The following DDX24 variants were observed in gnomAD, a reference collection of about 807,000 sequenced individuals.
DDX24 encodes the protein DEAD-box helicase 24.
In DDX24, 24 loss-of-function variants were observed where a neutral mutation model predicts 68.9. That is an observed-to-expected ratio of 0.35 (90% confidence interval 0.25 to 0.49). The LOEUF is 0.49. DDX24 is among the 20% of genes least tolerant of loss of function. The probability of loss-of-function intolerance (pLI) is 0.99; values close to 1 mark genes in which losing one functional copy is unlikely to be tolerated. For missense variants in DDX24, 989 were observed against 1,039.0 expected, an observed-to-expected ratio of 0.95 and a Z score of 0.66; for synonymous variants, 395 against 385.2, an observed-to-expected ratio of 1.03 and a Z score of -0.30.
In DDX24 at chr14:94,062,465, T is replaced by A; in HGVS notation, c.875A>T (p.Glu292Val). 6.2e-7 allele frequency: 1 copy of A among 1,614,188 alleles called. No homozygotes were observed. Among genetic ancestry groups the A allele is most frequent in the Admixed American group, 1.7e-5 (1 of 60,032 alleles). ...GAETRSPGKA[E>V]AESDALPDDT... ...GTCAGGCAATGCATCAGACTCAGCTTCAGCCTTGCCTGGTGATCTAGTCTC... is the reference window on the plus strand; with the variant it reads ...GTCAGGCAATGCATCAGACTCAGCTACAGCCTTGCCTGGTGATCTAGTCTC... Residue 292 changes from glutamate to valine, a missense_variant, in exon 3 of 9, where the codon GAA becomes GTA. Glu to Val is a moderately radical substitution (Grantham distance 121). Around this residue, in one of 3 missense-constraint regions of DDX24, gnomAD observed 691 missense variants for 760.0 expected, o/e 0.91. Transcript: ENST00000621632.
At chr14:94,071,210 A>G (rs1045170084) in intron 2 of DDX24, among the ~76,000 whole-genome samples, 1 of 152,230 alleles carries the variant, frequency 6.6e-6, no homozygotes, top group Non-Finnish European at 1.5e-5. Context: ...ATAAATAGAC[A>G]ATTATCAAAA....
intron 2 of DDX24, among the ~76,000 whole-genome samples, chr14:94,078,480 C>T (rs1885991342): frequency 6.6e-6 from 1 of 152,150 alleles, no homozygotes; most frequent in Non-Finnish European, 1.5e-5. Context: ...AATCTGTTTA[C>T]AAAATCCACC....
Position 94,078,364 on chromosome 14 carries a change from T to C in DDX24, c.718+661A>G, listed in dbSNP as rs547819782. On this transcript the variant is annotated intron_variant, in intron 2 of 8. Coordinates refer to ENST00000621632, the MANE Select transcript of DDX24 (RefSeq NM_020414.4). ...AATAGTTCCAGGCAGTACTAGTTCCTCCCCCAAGTCAGCAGTCTAGTCTAT... is the reference window on the plus strand; with the variant it reads ...AATAGTTCCAGGCAGTACTAGTTCCCCCCCCAAGTCAGCAGTCTAGTCTAT... Among the ~76,000 whole-genome samples, 229 of 152,226 alleles carry C rather than the reference T, an allele frequency of 1.5e-3. 5 individuals carry two copies. Among genetic ancestry groups the C allele is most frequent in the Admixed American group, 2.1e-3 (32 of 15,296 alleles).
At chr14:94,060,853 T>C in intron 4 of DDX24, 60 bp downstream of exon 4, 1 of 1,594,822 alleles carries the variant, frequency 6.3e-7, no homozygotes, top group Non-Finnish European at 8.6e-7. Flanking sequence ...CCACACCATG[T>C]CACCTAAGGC....
chr14:94,052,616 T>G (rs146269142), intron 8 of DDX24, among the ~76,000 whole-genome samples: 2 of 152,204 alleles, frequency 1.3e-5, no homozygotes, highest in Non-Finnish European at 2.9e-5. Flanking sequence ...TCCCATGAAG[T>G]AGGTAGTTGA....
In DDX24 at chr14:94,076,245, A is replaced by T. The variant is rs578090316; in HGVS notation, c.718+2780T>A. Among the ~76,000 whole-genome samples the T allele has an allele frequency of 4.6e-5, 7 of 152,350 alleles. 1 individual carries two copies. The South Asian group carries it at 1.2e-3, about 27-fold the overall frequency. ...GATGAACAAACTGCTCTACCCACAC[A>T]TTGGAATACTATTCATCACTAAAAA... On this transcript the variant is annotated intron_variant, in intron 2 of 8. Transcript: ENST00000621632.
intron 2 of DDX24, among the ~76,000 whole-genome samples, chr14:94,072,419 G>A (rs1885850186): frequency 6.6e-6 from 1 of 152,210 alleles, no homozygotes; most frequent in Non-Finnish European, 1.5e-5. Context: ...AAAAGCATAA[G>A]AATGATACAA....
intron 1 of DDX24, among the ~76,000 whole-genome samples, chr14:94,080,513 T>C (rs1224850241): frequency 6.6e-6 from 1 of 151,782 alleles, no homozygotes; most frequent in African/African-American, 2.4e-5. Context: ...GCGGTGGACG[T>C]ATTAATCTCT....
rs1885372373 is a variant in DDX24 at position 94,050,808 on chromosome 14, G to T, written c.*383C>A. 5.3e-6 allele frequency: 1 copy of T among 189,496 alleles called. No homozygotes were observed. Among genetic ancestry groups the T allele is most frequent in the African/African-American group, 2.3e-5 (1 of 42,654 alleles). The allele number at this position is 189,496 out of a possible 1,614,324, so 11.7% of individuals were successfully genotyped here. A position where few individuals can be genotyped will look rare whatever the true frequency, so the allele number is the denominator to read the frequency against. The stretch of plus-strand genomic sequence containing the variant: ...TGACACTATTCCTGTCCTTTCAAGG[G>T]CTTAGCACTGTGCTGGCCCAGGAGA... On this transcript the variant is annotated 3_prime_UTR_variant, in exon 9 of 9. Coordinates refer to ENST00000621632, the MANE Select transcript of DDX24 (RefSeq NM_020414.4).
chr14:94,071,144 CAA>C (rs2141432916), intron 2 of DDX24, among the ~76,000 whole-genome samples: 1 of 151,960 alleles, frequency 6.6e-6, no homozygotes, highest in South Asian at 2.1e-4. Flanking sequence ...GAATCTACAG[CAA>C]ACTCAAACAA....
intron 2 of DDX24, among the ~76,000 whole-genome samples, chr14:94,074,961 T>G (rs1885907707): frequency 6.6e-6 from 1 of 152,188 alleles, no homozygotes; most frequent in African/African-American, 2.4e-5. Context: ...ACATAAGATG[T>G]GAAAAATCTA....
At chr14:94,065,405 A>ACACACACACACACACACACAC (rs1567060057) in intron 2 of DDX24, among the ~76,000 whole-genome samples, 10 of 151,892 alleles carry the variant, frequency 6.6e-5, no homozygotes, top group South Asian at 2.1e-4. Flanking sequence ...ACACACACAC[A>ACACACACACACACACACACAC]AATTCAGTGC....
In DDX24 at chr14:94,055,002, C is replaced by G; in HGVS notation, c.2172G>C (p.Val724=). ...LFPVQTKYMD[V]VKERIRLARQ... ...GGTTTTAACTGCTTTCTACCTTGAC[C>G]ACATCCATGTATTTTGTCTGCACGG... Residue 724 remains valine, a synonymous_variant, in exon 7 of 9, where the codon GTG becomes GTC. Transcript: ENST00000621632. 6.2e-7 allele frequency: 1 copy of G among 1,614,000 alleles called. No individual in the cohort carries two copies. Among genetic ancestry groups the G allele is most frequent in the East Asian group, 2.2e-5 (1 of 44,884 alleles).
In DDX24 at chr14:94,079,758, G is replaced by A. The variant is rs745368599; in HGVS notation, c.-5-11C>T. On this transcript the variant is annotated splice_polypyrimidine_tract_variant and intron_variant, in intron 1 of 8. Transcript: ENST00000621632. ...TCAACTTCATGGTTGCTGAAAAGGAGATACATGTTCTATTAGGTTGGTGTC... is the reference window on the plus strand; with the variant it reads ...TCAACTTCATGGTTGCTGAAAAGGAAATACATGTTCTATTAGGTTGGTGTC... 1.9e-5 allele frequency: 30 copies of A among 1,608,784 alleles called. No individual in the cohort carries two copies. Among genetic ancestry groups the A allele is most frequent in the Non-Finnish European group, 2.4e-5 (28 of 1,177,230 alleles).
At chr14:94,051,868 C>CA (rs2141419754) in intron 8 of DDX24, 1 of 170,256 alleles carries the variant, frequency 5.9e-6, no homozygotes, top group East Asian at 1.7e-4. Flanking sequence ...GGTGAGTTCA[C>CA]AATTACAACC....
At chr14:94,062,807 G>C (rs186946962) in intron 2 of DDX24, among the ~76,000 whole-genome samples, 186 bp from the exon 3 acceptor site, 133 of 152,250 alleles carry the variant, frequency 8.7e-4, no homozygotes, top group African/African-American at 3.1e-3. Flanking sequence ...ATTAGAACCC[G>C]AGGAAAAGTA....
At chr14:94,061,120 T>C in intron 3 of DDX24, 54 bp from the exon 4 acceptor site, 2 of 1,598,488 alleles carry the variant, frequency 1.3e-6, no homozygotes, top group Non-Finnish European at 8.6e-7. Context: ...ATCATTTTCT[T>C]ACATGGCTGA....
intron 5 of DDX24, among the ~76,000 whole-genome samples, chr14:94,058,899 T>C (rs1372778317): frequency 6.6e-6 from 1 of 152,144 alleles, no homozygotes; most frequent in Admixed American, 6.5e-5. Flanking sequence ...ATATTGACAA[T>C]ACATAAATGG....
intron 3 of DDX24, 71 bp downstream of exon 3, chr14:94,062,026 C>T: frequency 6.8e-7 from 1 of 1,479,340 alleles, no homozygotes. Flanking sequence ...GGAGCCACAG[C>T]TCATTCATCT....
Sources: gnomAD v4.1 joint callset for allele counts (sites outside exome capture counted in the v4.1 genomes callset) on GRCh38, gnomAD v4.1.1 for gene constraint, gnomAD v4.1.1 regional missense constraint, MANE v1.5 for transcripts, NCBI Gene and HGNC (gene_info 2026-07-23, HGNC 2026-07-21) for gene names.